The following SLIT2 variants were observed in gnomAD, a reference collection of about 807,000 sequenced individuals.
SLIT2 encodes slit homolog 2 protein.
SLIT2 carries 41 observed loss-of-function variants against 185.7 expected under a neutral mutation model. That is an observed-to-expected ratio of 0.22 (90% confidence interval 0.17 to 0.29). The LOEUF (loss-of-function observed/expected upper bound fraction) is 0.29, where lower values mean the gene tolerates loss of function less well. SLIT2 is among the 10% of genes least tolerant of loss of function. The pLI, the probability that SLIT2 is intolerant of heterozygous loss-of-function variation, is 1.00. For missense variants in SLIT2, 1,571 were observed against 1,909.0 expected (o/e 0.82, Z 3.30); for synonymous variants, 693 against 680.2 (o/e 1.02, Z -0.29).
chr4:20,279,033 A>G (rs1208603428), intron 4 of SLIT2, among the ~76,000 whole-genome samples: 1 of 152,226 alleles, frequency 6.6e-6, no homozygotes, highest in Admixed American at 6.5e-5. Flanking sequence ...ATCTCTGCTC[A>G]GAAACTAAAA....
chr4:20,529,637 G>A (rs1721607260), intron 16 of SLIT2, among the ~76,000 whole-genome samples: 1 of 152,314 alleles, frequency 6.6e-6, no homozygotes, highest in South Asian at 2.1e-4. Context: ...GGCAGAATAT[G>A]ATGGTATTTA....
intron 4 of SLIT2, among the ~76,000 whole-genome samples, chr4:20,346,594 G>A (rs540367507): frequency 2.0e-5 from 3 of 152,278 alleles, no homozygotes; most frequent in African/African-American, 7.2e-5. Flanking sequence ...TTAAGGAGAA[G>A]TGACTCACAC....
chr4:20,491,677 C>T, intron 8 of SLIT2, 84 bp from the exon 9 acceptor site: 1 of 1,145,516 alleles, frequency 8.7e-7, no homozygotes, highest in Middle Eastern at 2.0e-4. Context: ...ATGTGAAATG[C>T]TTTGTTACTT....
intron 4 of SLIT2, among the ~76,000 whole-genome samples, chr4:20,392,836 A>C (rs947710749): frequency 2.0e-5 from 3 of 152,116 alleles, no homozygotes; most frequent in Non-Finnish European, 4.4e-5. Flanking sequence ...ACACACAAAG[A>C]GCTGTCATCT....
intron 4 of SLIT2, among the ~76,000 whole-genome samples, chr4:20,390,051 CTCTCCAGGGG>C (rs1725291743): frequency 6.6e-6 from 1 of 152,070 alleles, no homozygotes; most frequent in Non-Finnish European, 1.5e-5. Flanking sequence ...AAATTCAGAA[CTCTCCAGGGG>C]TCTCCAGACT....
At chr4:20,316,615 T>C (rs1313984457) in intron 4 of SLIT2, among the ~76,000 whole-genome samples, 1 of 151,716 alleles carries the variant, frequency 6.6e-6, no homozygotes, top group Non-Finnish European at 1.5e-5. Flanking sequence ...CAGAAATCTC[T>C]GTGAAAGTAT....
In SLIT2 at chr4:20,533,648, C is replaced by G; in HGVS notation, c.1765C>G (p.Leu589Val). 1 of 1,612,550 alleles carries G rather than the reference C, an allele frequency of 6.2e-7. No homozygotes were observed. The highest frequency in any genetic ancestry group is 8.5e-7 in the Non-Finnish European group (1 of 1,178,542). The change falls in exon 18 of 37, where the codon CTT (leucine) becomes GTT (valine). Residue 589 changes from leucine (L) to valine (V), a missense_variant. By Grantham distance (32) the Leu-to-Val change is conservative (BLOSUM62 1). This residue lies in a region of SLIT2 where 1,202 missense variants were observed against 1,416.4 expected (regional missense o/e 0.85). Coordinates refer to ENST00000504154, the MANE Select transcript of SLIT2 (RefSeq NM_004787.4). ...AGCATCTGGTGTAAATGAAATACTTCTTACGAGTAATCGTTTGGAAAATGT... is the reference window on the plus strand; with the variant it reads ...AGCATCTGGTGTAAATGAAATACTTGTTACGAGTAATCGTTTGGAAAATGT... ...EGASGVNEIL[L>V]TSNRLENVQH...
At position 20,312,241 on chromosome 4, in the gene SLIT2, A is replaced by T. The variant is rs561604895; in HGVS notation, c.395+43360A>T. Among the ~76,000 whole-genome samples, 3 of 152,210 alleles carry T rather than the reference A, an allele frequency of 2.0e-5. No homozygotes were observed. In the East Asian group the frequency reaches 5.8e-4, roughly 29 times the overall value. On this transcript the variant is annotated intron_variant, in intron 4 of 36. Transcript: ENST00000504154. ...ATGGAAAATTTGAGTTACTCAACCA[A>T]CTCAACTAACTTAGGCATTTTATTG...
At chr4:20,463,489 A>G (rs865899558) in intron 4 of SLIT2, among the ~76,000 whole-genome samples, 5,212 of 99,476 alleles carry the variant, frequency 0.052, 192 homozygotes, top group Admixed American at 0.096. Flanking sequence ...ATATATATAT[A>G]TATGTGTGTG....
intron 32 of SLIT2, 60 bp from the exon 33 acceptor site, chr4:20,598,205 C>T (rs1322132431): frequency 1.3e-6 from 2 of 1,556,466 alleles, no homozygotes; most frequent in Non-Finnish European, 1.8e-6. Context: ...CAGTCTCTTT[C>T]TGATCAAATA....
At chr4:20,564,199 G>A (rs929776815) in intron 26 of SLIT2, among the ~76,000 whole-genome samples, 2 of 151,798 alleles carry the variant, frequency 1.3e-5, no homozygotes, top group Non-Finnish European at 2.9e-5. Context: ...CTCTGAGAAA[G>A]TGTAGTGGAT....
At chr4:20,421,239 A>G (rs1426245633) in intron 4 of SLIT2, among the ~76,000 whole-genome samples, 1 of 152,196 alleles carries the variant, frequency 6.6e-6, no homozygotes, top group African/African-American at 2.4e-5. Flanking sequence ...GCCTTTTCCA[A>G]GAAGTCAGTC....
intron 4 of SLIT2, among the ~76,000 whole-genome samples, chr4:20,383,330 A>G (rs1200939876): frequency 1.3e-5 from 2 of 152,196 alleles, no homozygotes; most frequent in East Asian, 1.9e-4. Context: ...CATATCTGAT[A>G]AAGGATTTGT....
At chr4:20,332,553 G>T (rs1720159586) in intron 4 of SLIT2, among the ~76,000 whole-genome samples, 1 of 152,084 alleles carries the variant, frequency 6.6e-6, no homozygotes, top group South Asian at 2.1e-4. Flanking sequence ...GTTATGGCAG[G>T]CACCTATAAT....
At chr4:20,604,639 G>T (rs1209736660) in intron 33 of SLIT2, among the ~76,000 whole-genome samples, 1 of 150,246 alleles carries the variant, frequency 6.7e-6, no homozygotes, top group African/African-American at 2.4e-5. Flanking sequence ...GAGCCACTGC[G>T]CCCAGCCTAC....
intron 9 of SLIT2, among the ~76,000 whole-genome samples, chr4:20,502,403 G>T (rs1718823084): frequency 6.6e-6 from 1 of 152,284 alleles, no homozygotes; most frequent in Non-Finnish European, 1.5e-5. Flanking sequence ...ATTTCTGAGT[G>T]CTTGCTCTGC....
At chr4:20,375,050 A>G (rs1723911295) in intron 4 of SLIT2, among the ~76,000 whole-genome samples, 1 of 152,108 alleles carries the variant, frequency 6.6e-6, no homozygotes, top group African/African-American at 2.4e-5. Flanking sequence ...ATGAAGAAAC[A>G]TTAATTAATT....
Position 20,254,845 on chromosome 4 carries a change from C to T in SLIT2, c.179+851C>T. ...CCACCTTTCTGGCAGTTTCTGCGCC[C>T]CTTCACGTGGCAGCAGTTCCCCTGC... On this transcript the variant is annotated intron_variant, in intron 1 of 36. Transcript: ENST00000504154. This position sits in a 1 kb window ranked among gnomAD's most constrained non-coding sequence, Gnocchi z 5.1. 1 of 442,766 alleles carries T rather than the reference C, an allele frequency of 2.3e-6. No individual in the cohort carries two copies. The highest frequency in any genetic ancestry group is 1.6e-5 in the South Asian group (1 of 61,880). 27.4% of individuals were successfully genotyped at this position (442,766 alleles called of 1,614,324 possible). A position where few individuals can be genotyped will look rare whatever the true frequency, so the allele number is the denominator to read the frequency against.
chr4:20,463,473 A>ATT (rs1713967115), intron 4 of SLIT2, among the ~76,000 whole-genome samples: 1 of 94,686 alleles, frequency 1.1e-5, no homozygotes, highest in African/African-American at 3.8e-5. Flanking sequence ...ATATATATAT[A>ATT]TATATATATA....
Sources: allele counts gnomAD v4.1 joint callset (sites outside exome capture counted in the v4.1 genomes callset), GRCh38; gene constraint gnomAD v4.1.1; regional missense constraint gnomAD v4.1.1; non-coding constraint Gnocchi (gnomAD v3.1); transcripts MANE v1.5; gene names NCBI Gene and HGNC (gene_info 2026-07-23, HGNC 2026-07-21).